Variants in BSN observed in about 807,000 individuals in gnomAD.
The protein encoded by BSN is bassoon presynaptic cytomatrix protein.
Under a neutral mutation model 264.8 loss-of-function variants are expected in BSN, and 57 were observed. The ratio of observed to expected loss-of-function variants is 0.22; its 90% CI spans 0.17 to 0.27. The LOEUF is 0.27. Among genes scored for constraint, BSN ranks in the 10% least tolerant of loss-of-function variants. The pLI is 1.00. For missense variants in BSN, 4,615 were observed against 5,232.5 expected, an observed-to-expected ratio of 0.88 and a Z score of 3.64; for synonymous variants, 2,059 against 2,137.3, an observed-to-expected ratio of 0.96 and a Z score of 1.01.
Position 49,656,944 on chromosome 3 carries a change from A to G in BSN, c.7388A>G (p.Gln2463Arg), listed in dbSNP as rs757619148. The G allele has an allele frequency of 1.7e-5, 27 of 1,601,910 alleles. No individual in the cohort carries two copies. Among genetic ancestry groups the G allele is most frequent in the Non-Finnish European group, 2.3e-5 (27 of 1,173,244 alleles). ...EQIQQLQQQL[Q>R]QQLEEQKQRQ... ...ATCCAGCAGCTGCAGCAGCAGCTGCAGCAGCAGCTAGAGGAGCAGAAGCAG... is the reference window on the plus strand; with the variant it reads ...ATCCAGCAGCTGCAGCAGCAGCTGCGGCAGCAGCTAGAGGAGCAGAAGCAG... The change falls in exon 5 of 12, where the codon CAG (glutamine) becomes CGG (arginine). Residue 2463 changes from glutamine to arginine, a missense_variant. Physicochemically the swap from Gln to Arg is conservative, Grantham distance 43. This residue lies in a region of BSN where 3,415 missense variants were observed against 3,866.4 expected (regional missense o/e 0.88). Coordinates refer to ENST00000296452, the MANE Select transcript of BSN (RefSeq NM_003458.4).
intron 1 of BSN, among the ~76,000 whole-genome samples, chr3:49,569,417 C>T (rs886530469): frequency 6.6e-6 from 1 of 152,170 alleles, no homozygotes; most frequent in African/African-American, 2.4e-5. Context: ...TGAAAGCACT[C>T]AGCATGAGGC....
At position 49,643,014 on chromosome 3, in the gene BSN, G is replaced by A. The variant is rs938700584; in HGVS notation, c.1380G>A (p.Lys460=). 1.2e-6 allele frequency: 2 copies of A among 1,614,134 alleles called. No homozygotes were observed. Among genetic ancestry groups the A allele is most frequent in the African/African-American group, 1.3e-5 (1 of 75,068 alleles). ...KAAAKPKTMP[K]ERAICPLCQA... ...CTGCCAAGCCAAAGACCATGCCGAAGGAAAGGGCCATCTGCCCACTGTGCC... is the reference window on the plus strand; with the variant it reads ...CTGCCAAGCCAAAGACCATGCCGAAAGAAAGGGCCATCTGCCCACTGTGCC... Residue 460 remains lysine, a synonymous_variant, in exon 3 of 12, where the codon AAG becomes AAA. Transcript: ENST00000296452.
chr3:49,566,631 A>G (rs1376886565), intron 1 of BSN, among the ~76,000 whole-genome samples: 1 of 151,970 alleles, frequency 6.6e-6, no homozygotes, highest in Non-Finnish European at 1.5e-5. Flanking sequence ...CAAAAATACA[A>G]AAAAATTAGC....
At chr3:49,574,209 C>G (rs1325976988) in intron 1 of BSN, among the ~76,000 whole-genome samples, 68 of 136,520 alleles carry the variant, frequency 5.0e-4, no homozygotes, top group Non-Finnish European at 8.0e-5. Context: ...CTAAAGCGAT[C>G]TGCCTGCCTC....
rs771144287 is a variant in BSN at position 49,660,447 on chromosome 3, C to T, written c.8641-39C>T. On this transcript the variant is annotated intron_variant, in intron 5 of 11. Coordinates refer to ENST00000296452, the MANE Select transcript of BSN (RefSeq NM_003458.4). The surrounding 1 kb of genome is among the most constrained non-coding windows in gnomAD (Gnocchi z 7.1). ...CCCACACCCCATCAAGTCACCACAC[C>T]TTGGGTCTCAGTGCTGCCCACCCTT... The T allele has an allele frequency of 4.6e-6, 7 of 1,517,254 alleles. No individual in the cohort carries two copies. The African/African-American group carries it at 7.0e-5, about 15-fold the overall frequency. 94.0% of individuals were successfully genotyped at this position (1,517,254 alleles called of 1,614,324 possible).
Position 49,655,908 on chromosome 3 carries a change from G to A in BSN, c.6352G>A (p.Gly2118Ser), listed in dbSNP as rs202133330. 18 of 1,611,458 alleles carry A rather than the reference G, an allele frequency of 1.1e-5. No homozygotes were observed. Among genetic ancestry groups the A allele is most frequent in the Non-Finnish European group, 1.4e-5 (16 of 1,179,836 alleles). Reference protein sequence around the residue: ...MDQYGGRHGSGGGGPDLVQYQ... With the variant: ...MDQYGGRHGSSGGGPDLVQYQ... ...CCAGTATGGTGGGCGGCATGGCAGT[G>A]GTGGTGGTGGCCCTGACCTTGTGCA... The change falls in exon 5 of 12, where the codon GGT becomes AGT. Residue 2118 changes from glycine to serine, a missense_variant. Transcript: ENST00000296452.
Position 49,656,719 on chromosome 3 carries a change from T to C in BSN, c.7163T>C (p.Leu2388Pro). 6.3e-7 allele frequency: 1 copy of C among 1,578,852 alleles called. No individual in the cohort carries two copies. The highest frequency in any genetic ancestry group is 8.6e-7 in the Non-Finnish European group (1 of 1,161,864). The part of the protein sequence containing the change: ...ERVELEKLRQ[L>P]RLQEELERER... The stretch of plus-strand genomic sequence containing the variant: ...GTGGAGTTGGAGAAGCTGCGACAAC[T>C]TCGGCTGCAAGAGGAGCTAGAGCGG... The change falls in exon 5 of 12, where the codon CTT becomes CCT. Residue 2388 changes from leucine (L) to proline (P), a missense_variant. Physicochemically the swap from Leu to Pro is moderately conservative, Grantham distance 98. This residue lies in a region of BSN where 3,415 missense variants were observed against 3,866.4 expected (regional missense o/e 0.88). Coordinates refer to ENST00000296452, the MANE Select transcript of BSN (RefSeq NM_003458.4).
chr3:49,654,885 G>A lies in BSN; in HGVS notation c.5329G>A (p.Val1777Ile). 6.2e-7 allele frequency: 1 copy of A among 1,613,470 alleles called. No individual in the cohort carries two copies. The highest frequency in any genetic ancestry group is 8.5e-7 in the Non-Finnish European group (1 of 1,179,952). Reference sequence around the variant, plus strand: ...TGTGTGCCTGGCCCAGGTCAAACAAGTAGAGCAGGCTGTCCAGACAGCCCC... The same window carrying A: ...TGTGTGCCTGGCCCAGGTCAAACAAATAGAGCAGGCTGTCCAGACAGCCCC... ...SPVCLAQVKQVEQAVQTAPYR... is the reference protein window; with the variant it reads ...SPVCLAQVKQIEQAVQTAPYR... Residue 1777 changes from valine to isoleucine, a missense_variant, in exon 5 of 12, where the codon GTA becomes ATA. By Grantham distance (29) the Val-to-Ile change is conservative. Transcript: ENST00000296452. This position sits in a 1 kb window ranked among gnomAD's most constrained non-coding sequence, Gnocchi z 4.1.
Position 49,656,771 on chromosome 3 carries a change from T to TGAG in BSN, c.7222_7224dup (p.Glu2408dup). On this transcript the variant is annotated inframe_insertion, in exon 5 of 12. Transcript: ENST00000296452. ...AACGTGTGGAGCTGCAGAGGCACCG[T>TGAG]GAGGAGGAGCAGCTGCTGGTGCAGC... 6.3e-7 allele frequency: 1 copy of TGAG among 1,582,372 alleles called. No individual in the cohort carries two copies. The highest frequency in any genetic ancestry group is 8.6e-7 in the Non-Finnish European group (1 of 1,164,246).
Position 49,661,296 on chromosome 3 carries a change from G to A in BSN, c.9451G>A (p.Ala3151Thr). The change falls in exon 6 of 12, where the codon GCC (alanine) becomes ACC (threonine). Residue 3151 changes from alanine (A) to threonine (T), a missense_variant. Physicochemically the swap from Ala to Thr is moderately conservative, Grantham distance 58. Around this residue, in one of 3 missense-constraint regions of BSN, gnomAD observed 3,415 missense variants for 3,866.4 expected, o/e 0.88. Transcript: ENST00000296452. ...PLQKPRQTSLADLEQKVPTNY... is the reference protein window; with the variant it reads ...PLQKPRQTSLTDLEQKVPTNY... ...GCAGAAGCCACGCCAGACATCGCTA[G>A]CCGACTTGGAGCAGAAGGTGCCCAC... 1 of 1,613,894 alleles carries A rather than the reference G, an allele frequency of 6.2e-7. No homozygotes were observed. Among genetic ancestry groups the A allele is most frequent in the South Asian group, 1.1e-5 (1 of 91,086 alleles).
chr3:49,672,025 C>CTTTTTTTTTTTTTTTTTT (rs34710169), downstream of BSN, among the ~76,000 whole-genome samples: 1 of 100,412 alleles, frequency 1.0e-5, no homozygotes, highest in Non-Finnish European at 1.9e-5. Context: ...GTTGCTAGAC[C>CTTTTTTTTTTTTTTTTTT]TTTTTTTTTT....
Position 49,660,687 on chromosome 3 carries a change from C to G in BSN, c.8842C>G (p.Leu2948Val). ...ASLLRELDRD[L>V]RLVEHESTKL... ...CCTGCTCCGGGAGCTGGACCGGGAC[C>G]TGCGGCTGGTGGAGCATGAGTCCAC... Residue 2948 changes from leucine to valine, a missense_variant, in exon 6 of 12, where the codon CTG (leucine) becomes GTG (valine). Physicochemically the swap from Leu to Val is conservative, Grantham distance 32. This residue lies in a region of BSN where 3,415 missense variants were observed against 3,866.4 expected (regional missense o/e 0.88). Coordinates refer to ENST00000296452, the MANE Select transcript of BSN (RefSeq NM_003458.4). The surrounding 1 kb of genome is among the most constrained non-coding windows in gnomAD (Gnocchi z 7.1). 1.1e-5 allele frequency: 17 copies of G among 1,613,346 alleles called. No individual in the cohort carries two copies. Among genetic ancestry groups the G allele is most frequent in the Non-Finnish European group, 1.4e-5 (17 of 1,179,972 alleles).
Position 49,660,337 on chromosome 3 carries a change from G to T in BSN, c.8641-149G>T. On this transcript the variant is annotated intron_variant, in intron 5 of 11. Coordinates refer to ENST00000296452, the MANE Select transcript of BSN (RefSeq NM_003458.4). The surrounding 1 kb of genome is among the most constrained non-coding windows in gnomAD (Gnocchi z 7.1). ...AAACCAAGGCCTATGGGTGGGCAGG[G>T]TAGGCCTCCAGGCTGCCTGGTAAAT... The T allele has an allele frequency of 1.4e-6, 2 of 1,465,932 alleles. No individual in the cohort carries two copies. The highest frequency in any genetic ancestry group is 2.9e-5 in the South Asian group (2 of 68,438). 90.8% of individuals were successfully genotyped at this position (1,465,932 alleles called of 1,614,324 possible). A position where few individuals can be genotyped will look rare whatever the true frequency, so the allele number is the denominator to read the frequency against.
At chr3:49,641,621 T>C (rs570525767) in intron 2 of BSN, 1 of 152,204 alleles carries the variant, frequency 6.6e-6, no homozygotes, top group Non-Finnish European at 1.5e-5. Context: ...GTCACTTACA[T>C]TGCATTACTT....
chr3:49,588,818 A>G (rs1286311643), intron 1 of BSN, among the ~76,000 whole-genome samples: 2 of 151,826 alleles, frequency 1.3e-5, no homozygotes, highest in African/African-American at 2.4e-5. Flanking sequence ...AGTCTTTTCA[A>G]TTTTTTGAGG....
intron 5 of BSN, among the ~76,000 whole-genome samples, 200 bp downstream of exon 5, chr3:49,658,396 G>T (rs368871703): frequency 7.2e-5 from 11 of 152,208 alleles, no homozygotes; most frequent in Admixed American, 2.0e-4. Context: ...GGCAGATACA[G>T]ACACACACAT....
chr3:49,647,803 A>T (rs547849896), intron 3 of BSN, among the ~76,000 whole-genome samples: 1 of 152,168 alleles, frequency 6.6e-6, no homozygotes, highest in Admixed American at 6.5e-5. Flanking sequence ...TCCCCAGAAG[A>T]CTTGGGCCTG....
In BSN at chr3:49,554,815, T is replaced by G; in HGVS notation, c.213T>G (p.Pro71=). 8.2e-6 allele frequency: 9 copies of G among 1,101,950 alleles called. No homozygotes were observed. Among genetic ancestry groups the G allele is most frequent in the Admixed American group, 5.1e-5 (1 of 19,522 alleles). 68.3% of individuals were successfully genotyped at this position (1,101,950 alleles called of 1,614,324 possible). ...CCGGCCCCGGCCCCGGTCCCGGCCC[T>G]GGCCCGGGCAGGTAAGCGCGTGTCT... ...PGPGPGPGPG[P]GPGSTSRRLD... Residue 71 remains proline (P), a synonymous_variant, in exon 1 of 12, where the codon CCT becomes CCG. Coordinates refer to ENST00000296452, the MANE Select transcript of BSN (RefSeq NM_003458.4).
rs1334690945 is a variant in BSN, at chr3:49,635,002, G to C, written c.634-7266G>C. Among the ~76,000 whole-genome samples, 5 of 152,162 alleles carry C rather than the reference G, an allele frequency of 3.3e-5. 1 individual carries two copies. In the South Asian group the frequency reaches 8.3e-4, roughly 25 times the overall value. On this transcript the variant is annotated intron_variant, in intron 2 of 11. Coordinates refer to ENST00000296452, the MANE Select transcript of BSN (RefSeq NM_003458.4). The stretch of plus-strand genomic sequence containing the variant: ...GGGCTGAGGCTGAGGCTGGGGTAGT[G>C]GTGATGATGACTGCGAAGAGCCATG...
Sources: allele counts gnomAD v4.1 joint callset (sites outside exome capture counted in the v4.1 genomes callset), GRCh38; gene constraint gnomAD v4.1.1; regional missense constraint gnomAD v4.1.1; non-coding constraint Gnocchi (gnomAD v3.1); transcripts MANE v1.5; gene names NCBI Gene and HGNC (gene_info 2026-07-23, HGNC 2026-07-21).